The following PDE9A variants were observed in gnomAD, a reference collection of about 807,000 sequenced individuals.
The protein encoded by PDE9A is phosphodiesterase 9A.
In PDE9A, 60 loss-of-function variants were observed where a neutral mutation model predicts 87.4. The ratio of observed to expected loss-of-function variants is 0.69; its 90% CI spans 0.56 to 0.85. The LOEUF (loss-of-function observed/expected upper bound fraction) is 0.85, where lower values mean the gene tolerates loss of function less well. PDE9A is among the 40% of genes least tolerant of loss of function. The pLI is 0.00. For synonymous variants in PDE9A, 272 were observed against 279.4 expected, an observed-to-expected ratio of 0.97 and a Z score of 0.27; for missense variants, 665 against 779.0, an observed-to-expected ratio of 0.85 and a Z score of 1.74.
At chr21:42,709,137 A>AACATG (rs1364641378) in intron 4 of PDE9A, among the ~76,000 whole-genome samples, 1 of 152,210 alleles carries the variant, frequency 6.6e-6, no homozygotes, top group East Asian at 1.9e-4. Flanking sequence ...AAGGAACAAG[A>AACATG]TCATGTCCTT....
At chr21:42,749,183 G>T (rs542269699) in intron 8 of PDE9A, among the ~76,000 whole-genome samples, 1 of 152,174 alleles carries the variant, frequency 6.6e-6, no homozygotes, top group African/African-American at 2.4e-5. Flanking sequence ...TAAAGGATAC[G>T]AATTTCTATA....
intron 1 of PDE9A, among the ~76,000 whole-genome samples, chr21:42,664,000 C>G (rs183875523): frequency 8.1e-4 from 123 of 152,312 alleles, no homozygotes; most frequent in Non-Finnish European, 1.5e-3. Flanking sequence ...GGTGAGTCCA[C>G]CATGTGTCCT....
At chr21:42,716,539 T>C (rs2049933191) in intron 4 of PDE9A, among the ~76,000 whole-genome samples, 1 of 151,508 alleles carries the variant, frequency 6.6e-6, no homozygotes, top group Non-Finnish European at 1.5e-5. Context: ...TTCTTTGAGG[T>C]GTCTGTTCAT....
intron 8 of PDE9A, 144 bp downstream of exon 8, chr21:42,744,004 G>A (rs1168388319): frequency 1.6e-6 from 1 of 614,640 alleles, no homozygotes; most frequent in African/African-American, 1.9e-5. Context: ...GCAGTCTGGA[G>A]GCAGCCACCC....
intron 1 of PDE9A, among the ~76,000 whole-genome samples, chr21:42,658,106 C>T (rs533765961): frequency 1.3e-5 from 2 of 152,322 alleles, no homozygotes; most frequent in East Asian, 1.9e-4. Context: ...CCTTCACATG[C>T]GGGAGCCCAG....
rs2056818538 is a variant in PDE9A at position 42,653,736 on chromosome 21, G to GCCCCCCC, written c.-78_-77insCCCCCCC. ...CCGCCCCCCGCCCGCCCCCTCCCCTGCTCCCCTCCCCCGCCTCCCGCGGCG... is the reference window on the plus strand; with the variant it reads ...CCGCCCCCCGCCCGCCCCCTCCCCTGCCCCCCCCTCCCCTCCCCCGCCTCCCGCGGCG... On this transcript the variant is annotated 5_prime_UTR_variant, in exon 1 of 20. Coordinates refer to ENST00000291539, the MANE Select transcript of PDE9A (RefSeq NM_002606.3). 38 of 369,098 alleles carry GCCCCCCC rather than the reference G, an allele frequency of 1.0e-4. No homozygotes were observed. In the East Asian group the frequency reaches 2.2e-3, roughly 21 times the overall value. 22.9% of individuals were successfully genotyped at this position (369,098 alleles called of 1,614,324 possible).
intron 1 of PDE9A, among the ~76,000 whole-genome samples, chr21:42,670,702 CACAT>C (rs1391131929): frequency 1.4e-5 from 2 of 145,042 alleles, no homozygotes; most frequent in South Asian, 2.3e-4. Context: ...CACACACTCA[CACAT>C]ACACTTACAC....
chr21:42,770,776 G>A lies in PDE9A; in HGVS notation c.1664G>A (p.Arg555Gln), dbSNP rs150892798. The part of the protein sequence containing the change: ...ESRDRYEELK[R>Q]IDDAMKELQK... ...CGAGATCGCTACGAGGAGCTGAAGCGGATAGATGACGCCATGAAAGAGGTA... is the reference window on the plus strand; with the variant it reads ...CGAGATCGCTACGAGGAGCTGAAGCAGATAGATGACGCCATGAAAGAGGTA... Residue 555 changes from arginine to glutamine, a missense_variant, in exon 18 of 20, where the codon CGG becomes CAG. Coordinates refer to ENST00000291539, the MANE Select transcript of PDE9A (RefSeq NM_002606.3). The A allele has an allele frequency of 9.5e-5, 154 of 1,613,826 alleles. 1 individual carries two copies. The highest frequency in any genetic ancestry group is 8.1e-4 in the African/African-American group (61 of 75,026).
intron 19 of PDE9A, 71 bp from the exon 20 acceptor site, chr21:42,775,209 G>A (rs898210442): frequency 2.7e-6 from 4 of 1,496,870 alleles, no homozygotes; most frequent in Non-Finnish European, 3.7e-6. Flanking sequence ...CAAAGTGCTG[G>A]GATTAAAGGT....
intron 8 of PDE9A, among the ~76,000 whole-genome samples, chr21:42,750,540 G>A (rs894180080): frequency 2.6e-5 from 4 of 151,844 alleles, no homozygotes; most frequent in Non-Finnish European, 4.4e-5. Context: ...GCTTCTAAAA[G>A]AGAAGATAGC....
chr21:42,672,201 A>G (rs1601954310), intron 1 of PDE9A, among the ~76,000 whole-genome samples: 1 of 152,368 alleles, frequency 6.6e-6, no homozygotes, highest in East Asian at 1.9e-4. Flanking sequence ...CGTTATGGCC[A>G]CGAGCCCACC....
intron 4 of PDE9A, among the ~76,000 whole-genome samples, chr21:42,714,077 G>C (rs1173324218): frequency 7.5e-6 from 1 of 133,256 alleles, no homozygotes; most frequent in Non-Finnish European, 1.5e-5. Flanking sequence ...GGAGTGCAGT[G>C]GTGCAATCTT....
At chr21:42,681,417 C>A (rs1306287491) in intron 1 of PDE9A, among the ~76,000 whole-genome samples, 1 of 152,262 alleles carries the variant, frequency 6.6e-6, no homozygotes, top group African/African-American at 2.4e-5. Flanking sequence ...CTGATGTACA[C>A]TTCTGGCTGG....
At chr21:42,770,615 C>A in intron 17 of PDE9A, 88 bp from the exon 18 acceptor site, 2 of 991,132 alleles carry the variant, frequency 2.0e-6, no homozygotes, top group Non-Finnish European at 3.2e-6. Context: ...GAGGTTTCCG[C>A]ACGGAGCACC....
At chr21:42,771,637 G>T (rs570304664) in intron 18 of PDE9A, among the ~76,000 whole-genome samples, 2 of 152,340 alleles carry the variant, frequency 1.3e-5, no homozygotes, top group African/African-American at 4.8e-5. Context: ...TTTTCTGCCT[G>T]GGCGCTCCTG....
At chr21:42,663,189 G>A (rs1018237169) in intron 1 of PDE9A, among the ~76,000 whole-genome samples, 3 of 135,344 alleles carry the variant, frequency 2.2e-5, no homozygotes, top group African/African-American at 8.5e-5. Flanking sequence ...ACATCCACAT[G>A]CACCACACCC....
intron 4 of PDE9A, among the ~76,000 whole-genome samples, chr21:42,706,288 A>G (rs1602169514): frequency 1.3e-5 from 2 of 152,358 alleles, no homozygotes; most frequent in South Asian, 2.1e-4. Flanking sequence ...AGTCATTTTT[A>G]TATTGATTTC....
intron 1 of PDE9A, among the ~76,000 whole-genome samples, chr21:42,670,475 TACAC>T (rs1056802629): frequency 3.1e-4 from 46 of 149,358 alleles, no homozygotes; most frequent in African/African-American, 1.1e-3. Flanking sequence ...CACATAGACT[TACAC>T]ACATACACTT....
At chr21:42,672,423 T>A (rs2058614302) in intron 1 of PDE9A, among the ~76,000 whole-genome samples, 1 of 152,196 alleles carries the variant, frequency 6.6e-6, no homozygotes, top group African/African-American at 2.4e-5. Flanking sequence ...CTAGCCCGAG[T>A]GTGGTCTCAG....
Sources: gnomAD v4.1 joint callset for allele counts (sites outside exome capture counted in the v4.1 genomes callset) on GRCh38, gnomAD v4.1.1 for gene constraint, MANE v1.5 for transcripts, NCBI Gene and HGNC (gene_info 2026-07-23, HGNC 2026-07-21) for gene names.